CHM: variants seen among roughly 807,000 people sequenced by gnomAD.
CHM encodes the protein CHM Rab escort protein.
A neutral mutation model predicts 49.0 loss-of-function variants in CHM; 10 were observed. The ratio of observed to expected loss-of-function variants is 0.20; its 90% CI spans 0.13 to 0.35. The LOEUF is 0.35. Ranked by LOEUF, CHM falls within the 10% of genes least tolerant of loss-of-function variation. The pLI is 1.00. For missense variants in CHM, 455 were observed against 478.4 expected (o/e 0.95, Z 0.46); for synonymous variants, 184 against 167.5 (o/e 1.10, Z -0.76).
rs1281432957 is a variant in CHM, at chrX:86,005,499, A to G, written c.116+21992T>C. Among the ~76,000 whole-genome samples, 4 of 111,976 alleles carry G rather than the reference A, an allele frequency of 3.6e-5. 1 individual carries two copies. Among genetic ancestry groups the G allele is most frequent in the Non-Finnish European group, 7.5e-5 (4 of 53,235 alleles). On this transcript the variant is annotated intron_variant, in intron 2 of 14. Coordinates refer to ENST00000357749, the MANE Select transcript of CHM (RefSeq NM_000390.4). ...GGGCTGGTTTTTTGAAAAGATCAAC[A>G]AAATTGATAGAGAGCTAGAAAGACT...
intron 2 of CHM, among the ~76,000 whole-genome samples, chrX:86,008,324 G>C (rs186575234): frequency 1.1e-4 from 12 of 110,437 alleles, no homozygotes; most frequent in African/African-American, 4.0e-4. Flanking sequence ...AGTTGATGGG[G>C]GCAGCACACC....
At chrX:85,978,683 A>AC (rs1464244678) in intron 4 of CHM, 84 bp downstream of exon 4, 43 of 1,007,141 alleles carry the variant, frequency 4.3e-5, no homozygotes, top group Non-Finnish European at 5.8e-5. Context: ...AACCAATGCC[A>AC]CATAAATCTT....
chrX:85,905,380 T>C (rs1926531529), intron 9 of CHM, among the ~76,000 whole-genome samples: 2 of 112,023 alleles, frequency 1.8e-5, no homozygotes, highest in South Asian at 7.4e-4. Flanking sequence ...CATAAATGTA[T>C]AGCATAACAA....
At chrX:86,036,870 A>T (rs1934267209) in intron 1 of CHM, among the ~76,000 whole-genome samples, 1 of 111,264 alleles carries the variant, frequency 9.0e-6, no homozygotes, top group Non-Finnish European at 1.9e-5. Flanking sequence ...AAGACTGGCC[A>T]TGAGTTGATA....
chrX:86,039,510 CAAAA>C (rs769393073), intron 1 of CHM, among the ~76,000 whole-genome samples: 1 of 40,184 alleles, frequency 2.5e-5, no homozygotes, highest in African/African-American at 9.3e-5. Flanking sequence ...TGGCCTAGAC[CAAAA>C]AAAAAAAAAA....
intron 8 of CHM, among the ~76,000 whole-genome samples, chrX:85,928,501 C>T (rs1401832041): frequency 9.0e-6 from 1 of 111,268 alleles, no homozygotes; most frequent in Non-Finnish European, 1.9e-5. Context: ...CGAGATCGCG[C>T]CACTGCACTA....
intron 2 of CHM, among the ~76,000 whole-genome samples, chrX:86,016,234 A>C (rs1481138291): frequency 1.8e-5 from 2 of 111,448 alleles, no homozygotes; most frequent in Non-Finnish European, 3.8e-5. Context: ...GCAGCCTGAC[A>C]ATGTGATAGA....
At chrX:85,913,313 CA>C (rs1169192160) in intron 8 of CHM, among the ~76,000 whole-genome samples, 32 of 8,055 alleles carry the variant, frequency 4.0e-3, no homozygotes, top group African/African-American at 0.011. Context: ...AAGACTCTGT[CA>C]AAAAAAAAAA....
intron 2 of CHM, among the ~76,000 whole-genome samples, chrX:86,023,138 G>A (rs970297169): frequency 5.4e-5 from 6 of 111,393 alleles, no homozygotes; most frequent in Non-Finnish European, 7.5e-5. Context: ...ACCATCTACT[G>A]TGTAGTACTA....
intron 2 of CHM, among the ~76,000 whole-genome samples, chrX:85,988,037 C>A (rs1165061595): frequency 8.9e-6 from 1 of 111,739 alleles, no homozygotes; most frequent in East Asian, 2.8e-4. Context: ...ACAAAAACCT[C>A]GCAGGGATAT....
chrX:86,021,127 T>TATATAC lies in CHM; in HGVS notation c.116+6363_116+6364insGTATAT, dbSNP rs1491093238. Among the ~76,000 whole-genome samples the TATATAC allele has an allele frequency of 2.3e-3, 19 of 8,177 alleles. No individual in the cohort carries two copies. In the African/African-American group the frequency reaches 0.023, roughly 10 times the overall value. The allele number at this position is 8,177 out of a possible 115,157, so 7.1% of individuals were successfully genotyped here. On this transcript the variant is annotated intron_variant, in intron 2 of 14. Coordinates refer to ENST00000357749, the MANE Select transcript of CHM (RefSeq NM_000390.4). ...ATACGTATATATATGTGTATATACGTATATATATATATATATATATATATA... is the reference window on the plus strand; with the variant it reads ...ATACGTATATATATGTGTATATACGTATATACATATATATATATATATATATATATA...
intron 5 of CHM, among the ~76,000 whole-genome samples, chrX:85,960,834 T>C (rs1289431832): frequency 9.0e-6 from 1 of 111,536 alleles, no homozygotes; most frequent in Non-Finnish European, 1.9e-5. Flanking sequence ...ATTAACAATT[T>C]TTCCTTAGCA....
At chrX:85,878,441 C>CT (rs777477078) in intron 13 of CHM, among the ~76,000 whole-genome samples, 21 of 108,075 alleles carry the variant, frequency 1.9e-4, no homozygotes, top group Non-Finnish European at 4.0e-4. Flanking sequence ...GATCACGCCA[C>CT]TGCACTCCAA....
intron 1 of CHM, among the ~76,000 whole-genome samples, chrX:86,041,733 TATATATATATATATATATATATATAC>T (rs1934470076): frequency 5.5e-5 from 1 of 18,126 alleles, no homozygotes; most frequent in South Asian, 1.6e-3. Flanking sequence ...TGTGTATATA[TATATATATATATATATATATATATAC>T]ATATATATAT....
intron 8 of CHM, among the ~76,000 whole-genome samples, chrX:85,955,362 C>T (rs1929957041): frequency 9.0e-6 from 1 of 111,338 alleles, no homozygotes; most frequent in Admixed American, 9.6e-5. Flanking sequence ...CCCACAAACA[C>T]ATATGCCTCC....
intron 12 of CHM, 150 bp downstream of exon 12, chrX:85,894,038 T>C (rs1925652866): frequency 2.3e-6 from 1 of 435,082 alleles, no homozygotes; most frequent in African/African-American, 2.5e-5. Context: ...TGAAATGACT[T>C]ACTCTATAAC....
intron 8 of CHM, among the ~76,000 whole-genome samples, chrX:85,953,524 C>T (rs765430056): frequency 9.0e-6 from 1 of 111,536 alleles, no homozygotes; most frequent in East Asian, 2.8e-4. Flanking sequence ...TCAAATTATA[C>T]TACAGAACTA....
intron 8 of CHM, among the ~76,000 whole-genome samples, chrX:85,933,268 T>C (rs1305157157): frequency 8.9e-6 from 1 of 111,982 alleles, no homozygotes; most frequent in Non-Finnish European, 1.9e-5. Flanking sequence ...ATTCATATAT[T>C]CACAACTTAA....
chrX:86,036,450 G>C (rs1934249234), intron 1 of CHM, among the ~76,000 whole-genome samples: 2 of 111,527 alleles, frequency 1.8e-5, no homozygotes, highest in South Asian at 7.7e-4. Flanking sequence ...TTATTGTGCA[G>C]AGGAATCTTT....
Sources: allele counts gnomAD v4.1 joint callset (sites outside exome capture counted in the v4.1 genomes callset), GRCh38; gene constraint gnomAD v4.1.1; transcripts MANE v1.5; gene names NCBI Gene and HGNC (gene_info 2026-07-23, HGNC 2026-07-21).